Variants in GLCE observed in about 807,000 individuals in gnomAD.
GLCE encodes the protein D-glucuronyl C5-epimerase.
In GLCE, 19 loss-of-function variants were observed where a neutral mutation model predicts 47.9. The observed-to-expected ratio is 0.40, with a 90% CI of 0.28 to 0.58. The LOEUF (loss-of-function observed/expected upper bound fraction) is 0.58. Among genes scored for constraint, GLCE ranks in the 20% least tolerant of loss-of-function variants. The pLI is 0.48. For missense variants in GLCE, 556 were observed against 743.3 expected (o/e 0.75, Z 2.93); for synonymous variants, 245 against 263.4 (o/e 0.93, Z 0.68).
chr15:69,254,637 A>G (rs2052895994), intron 2 of GLCE, among the ~76,000 whole-genome samples: 1 of 152,192 alleles, frequency 6.6e-6, no homozygotes, highest in African/African-American at 2.4e-5. Context: ...CTTATGGGAT[A>G]TTGAGTGAAT....
At chr15:69,175,038 A>T (rs1001492568) in intron 1 of GLCE, among the ~76,000 whole-genome samples, 1 of 152,096 alleles carries the variant, frequency 6.6e-6, no homozygotes, top group Admixed American at 6.5e-5. Flanking sequence ...CTTGAAAACT[A>T]CTTAATGAAA....
At chr15:69,256,523 A>G (rs1273100647) in intron 3 of GLCE, 131 bp downstream of exon 3, 3 of 703,700 alleles carry the variant, frequency 4.3e-6, no homozygotes, top group Non-Finnish European at 7.1e-6. Context: ...TTTAGCAGGG[A>G]GGAACAGGTT....
intron 2 of GLCE, among the ~76,000 whole-genome samples, chr15:69,236,091 A>G (rs746546004): frequency 2.6e-5 from 4 of 152,112 alleles, no homozygotes; most frequent in Admixed American, 2.0e-4. Context: ...AGATTCATCT[A>G]TGTTGTGGCA....
intron 4 of GLCE, among the ~76,000 whole-genome samples, chr15:69,262,675 C>T (rs2053030969): frequency 6.6e-6 from 1 of 152,086 alleles, no homozygotes; most frequent in Non-Finnish European, 1.5e-5. Context: ...AATGAGGGAT[C>T]CTTAGCCCCT....
intron 2 of GLCE, among the ~76,000 whole-genome samples, chr15:69,226,275 C>A (rs1328311866): frequency 6.6e-6 from 1 of 152,054 alleles, no homozygotes; most frequent in African/African-American, 2.4e-5. Flanking sequence ...ATGATTTTGG[C>A]AATATTCCAA....
chr15:69,250,756 C>T (rs550356569), intron 2 of GLCE, among the ~76,000 whole-genome samples: 94 of 150,434 alleles, frequency 6.2e-4, no homozygotes, highest in African/African-American at 2.2e-3. Flanking sequence ...AGTGATCCTA[C>T]CCCAGTCCCA....
chr15:69,264,345 T>C (rs920027183), intron 4 of GLCE, among the ~76,000 whole-genome samples: 11 of 152,148 alleles, frequency 7.2e-5, no homozygotes, highest in Admixed American at 7.2e-4. Context: ...TTATGGCTAA[T>C]ATTCTATTCT....
chr15:69,248,229 C>T (rs916040923), intron 2 of GLCE, among the ~76,000 whole-genome samples: 5 of 152,138 alleles, frequency 3.3e-5, no homozygotes, highest in African/African-American at 9.7e-5. Context: ...AGGCAGTTCT[C>T]CTTTGAGTTA....
At chr15:69,161,085 T>G (rs2051412000) in intron 1 of GLCE, among the ~76,000 whole-genome samples, 2 of 151,802 alleles carry the variant, frequency 1.3e-5, no homozygotes, top group African/African-American at 4.8e-5. Context: ...CGAGGGAGAT[T>G]TATCAGGGTC....
At chr15:69,238,818 G>C (rs2052627491) in intron 2 of GLCE, among the ~76,000 whole-genome samples, 1 of 152,174 alleles carries the variant, frequency 6.6e-6, no homozygotes, top group African/African-American at 2.4e-5. Context: ...GCATGTTTGA[G>C]TGGAATGCCT....
At chr15:69,219,931 A>G (rs2052356378) in intron 2 of GLCE, among the ~76,000 whole-genome samples, 1 of 152,026 alleles carries the variant, frequency 6.6e-6, no homozygotes, top group Admixed American at 6.6e-5. Context: ...GTGTGTCTTT[A>G]TGATTTTGAA....
chr15:69,225,777 A>C (rs1206722208), intron 2 of GLCE, among the ~76,000 whole-genome samples: 23 of 152,210 alleles, frequency 1.5e-4, no homozygotes, highest in Admixed American at 1.5e-3. Context: ...ATTTAATACT[A>C]CATTATGAAG....
intron 1 of GLCE, among the ~76,000 whole-genome samples, chr15:69,208,695 C>T (rs1197199039): frequency 3.3e-5 from 5 of 152,016 alleles, no homozygotes; most frequent in African/African-American, 1.2e-4. Flanking sequence ...CATTAAATTT[C>T]TAGACCAGTT....
chr15:69,244,583 C>T (rs562637667), intron 2 of GLCE, among the ~76,000 whole-genome samples: 3 of 152,086 alleles, frequency 2.0e-5, no homozygotes, highest in Non-Finnish European at 4.4e-5. Context: ...CTAAGATACC[C>T]TGTGACATAT....
rs534994973 is a variant in GLCE, at chr15:69,181,386, T to G, written c.-105+20629T>G. On this transcript the variant is annotated intron_variant, in intron 1 of 4. Transcript: ENST00000261858. ...GAGGCGAAGGTCCAGGACAGAGATT[T>G]GGAGCACTACAACATTTAAAGTTTG... Among the ~76,000 whole-genome samples the G allele has an allele frequency of 3.9e-5, 6 of 152,246 alleles. No individual in the cohort carries two copies. In the East Asian group the frequency reaches 9.7e-4, roughly 25 times the overall value.
At chr15:69,264,224 A>G (rs4777130) in intron 4 of GLCE, among the ~76,000 whole-genome samples, 150,036 of 150,170 alleles carry the variant, frequency 1, 74,951 homozygotes, top group Middle Eastern at 1. Flanking sequence ...AGTTGTTTGG[A>G]GGTCCACATA....
Position 69,269,476 on chromosome 15 carries a change from A to C in GLCE, c.*232A>C. ...CAATGTTTAATCAATGGGCTGAACA[A>C]AGATGCTTCACTTTGCCTTGCCCAT... is the stretch of plus-strand genomic sequence containing the variant. On this transcript the variant is annotated 3_prime_UTR_variant, in exon 5 of 5. Transcript: ENST00000261858. 1 of 537,270 alleles carries C rather than the reference A, an allele frequency of 1.9e-6. No homozygotes were observed. Among genetic ancestry groups the C allele is most frequent in the Non-Finnish European group, 3.3e-6 (1 of 301,688 alleles). The allele number at this position is 537,270 out of a possible 1,614,324, so 33.3% of individuals were successfully genotyped here. A position where few individuals can be genotyped will look rare whatever the true frequency, so the allele number is the denominator to read the frequency against.
At chr15:69,183,731 C>T (rs2051783134) in intron 1 of GLCE, among the ~76,000 whole-genome samples, 1 of 152,242 alleles carries the variant, frequency 6.6e-6, no homozygotes, top group African/African-American at 2.4e-5. Context: ...GTGTCCTAGG[C>T]TGCAGGTCTC....
chr15:69,221,214 T>A (rs185129466), intron 2 of GLCE, among the ~76,000 whole-genome samples: 1 of 152,216 alleles, frequency 6.6e-6, no homozygotes, highest in Admixed American at 6.5e-5. Context: ...TAAGATTGTT[T>A]TGGCTATTTG....
Sources: gnomAD v4.1 joint callset for allele counts (sites outside exome capture counted in the v4.1 genomes callset) on GRCh38, gnomAD v4.1.1 for gene constraint, MANE v1.5 for transcripts, NCBI Gene and HGNC (gene_info 2026-07-23, HGNC 2026-07-21) for gene names.